The following RANBP2 variants were observed in gnomAD, a reference collection of about 807,000 sequenced individuals.
RANBP2 encodes the protein RAN binding protein 2.
A neutral mutation model predicts 303.6 loss-of-function variants in RANBP2; 57 were observed. The observed-to-expected ratio is 0.19, with a 90% CI of 0.15 to 0.23. RANBP2 has a LOEUF of 0.23. RANBP2 is among the 10% of genes least tolerant of loss of function. The pLI is 1.00. For synonymous variants in RANBP2, 1,167 were observed against 1,301.5 expected (o/e 0.90, Z 2.23); for missense variants, 3,138 against 3,780.8 (o/e 0.83, Z 4.46).
At chr2:109,202,765 A>G in the RANBP2 span, among the ~76,000 whole-genome samples, 11 of 152,036 alleles carry the variant, frequency 7.2e-5, no homozygotes, top group Non-Finnish European at 1.2e-4. Context: ...TTCCCATACT[A>G]TGGAGCTCTT....
the RANBP2 span, among the ~76,000 whole-genome samples, chr2:109,498,088 G>A: frequency 1.3e-5 from 2 of 152,148 alleles, no homozygotes; most frequent in South Asian, 2.1e-4. Flanking sequence ...TTGAAGGAGG[G>A]CCAGCAGGAA....
At chr2:109,453,819 G>T in the RANBP2 span, among the ~76,000 whole-genome samples, 1 of 152,314 alleles carries the variant, frequency 6.6e-6, no homozygotes, top group African/African-American at 2.4e-5. Context: ...AAAGGCGCCT[G>T]GTCAGCCCAG....
chr2:109,661,401 C>T, the RANBP2 span, among the ~76,000 whole-genome samples: 14 of 152,298 alleles, frequency 9.2e-5, no homozygotes, highest in East Asian at 2.7e-3. Context: ...CGCTTGCCAC[C>T]ATGCCTGGCT....
chr2:109,267,868 G>C, the RANBP2 span, among the ~76,000 whole-genome samples: 2 of 152,102 alleles, frequency 1.3e-5, no homozygotes, highest in African/African-American at 4.8e-5. Context: ...AGGTTGCTTG[G>C]GAGGCCACTG....
the RANBP2 span, among the ~76,000 whole-genome samples, chr2:109,728,136 G>A: frequency 9.9e-5 from 15 of 152,080 alleles, no homozygotes; most frequent in African/African-American, 2.2e-4. Flanking sequence ...AGAGAGGCTC[G>A]CATGGAGAAA....
At chr2:109,299,251 C>T in the RANBP2 span, among the ~76,000 whole-genome samples, 27 of 152,164 alleles carry the variant, frequency 1.8e-4, no homozygotes, top group East Asian at 5.0e-3. Flanking sequence ...AAGGACCTCT[C>T]ACTCTTTAGC....
the RANBP2 span, among the ~76,000 whole-genome samples, chr2:108,943,440 G>A: frequency 6.6e-6 from 1 of 152,090 alleles, no homozygotes; most frequent in Non-Finnish European, 1.5e-5. Flanking sequence ...CAATCACACC[G>A]TATTCATCTC....
chr2:109,437,260 G>A, the RANBP2 span: 2 of 1,420,866 alleles, frequency 1.4e-6, no homozygotes. Context: ...GCTGGTGGCA[G>A]CTTCATGGCA....
the RANBP2 span, among the ~76,000 whole-genome samples, chr2:109,136,234 A>C: frequency 5.3e-5 from 8 of 152,288 alleles, no homozygotes; most frequent in South Asian, 1.7e-3. Flanking sequence ...ATTAAAAAAA[A>C]ACACACACAT....
the RANBP2 span, among the ~76,000 whole-genome samples, chr2:108,840,958 C>T: frequency 2.0e-5 from 3 of 151,862 alleles, no homozygotes; most frequent in African/African-American, 7.3e-5. Context: ...ATTACAGATG[C>T]CCACCACCAC....
intron 1 of RANBP2, among the ~76,000 whole-genome samples, chr2:108,722,591 G>A (rs1694354699): frequency 6.7e-6 from 1 of 149,212 alleles, no homozygotes; most frequent in South Asian, 2.1e-4. Flanking sequence ...GCTTTCATTT[G>A]TTAGTCTTCT....
the RANBP2 span, among the ~76,000 whole-genome samples, chr2:109,654,094 T>C: frequency 6.6e-6 from 1 of 152,126 alleles, no homozygotes; most frequent in South Asian, 2.1e-4. Context: ...CCTCAGACAG[T>C]GTGGGAGGGG....
the RANBP2 span, chr2:108,897,352 T>C: frequency 4.2e-6 from 4 of 961,344 alleles, no homozygotes; most frequent in Non-Finnish European, 6.3e-6. Context: ...TTATAAAACA[T>C]GCAGAAAGCC....
intron 25 of RANBP2, among the ~76,000 whole-genome samples, chr2:108,780,692 G>A (rs75434288): frequency 0.022 from 3,268 of 150,852 alleles, 111 homozygotes; most frequent in African/African-American, 0.076. Flanking sequence ...ACCACTCCCG[G>A]CTTTTCTTTT....
At chr2:109,333,801 CT>C in the RANBP2 span, among the ~76,000 whole-genome samples, 1 of 152,046 alleles carries the variant, frequency 6.6e-6, no homozygotes. Context: ...GTTTCCTCCA[CT>C]GTAAAATGGA....
At chr2:109,474,614 G>T in the RANBP2 span, among the ~76,000 whole-genome samples, 2 of 152,208 alleles carry the variant, frequency 1.3e-5, no homozygotes, top group East Asian at 1.9e-4. Context: ...TTGGGCAGGG[G>T]GGGAGAACGC....
At chr2:108,960,593 G>T in the RANBP2 span, among the ~76,000 whole-genome samples, 3 of 152,016 alleles carry the variant, frequency 2.0e-5, no homozygotes, top group Non-Finnish European at 2.9e-5. Flanking sequence ...GTCACTGATA[G>T]GTTTTTACAT....
Position 108,751,915 on chromosome 2 carries a change from T to C in RANBP2, c.1676T>C (p.Ile559Thr). 1 of 1,611,982 alleles carries C rather than the reference T, an allele frequency of 6.2e-7. No individual in the cohort carries two copies. Among genetic ancestry groups the C allele is most frequent in the Non-Finnish European group, 8.5e-7 (1 of 1,179,858 alleles). The change falls in exon 12 of 29, where the codon ATA becomes ACA. Residue 559 changes from isoleucine to threonine, a missense_variant. Ile to Thr is a moderately conservative substitution (Grantham distance 89, BLOSUM62 -1). Transcript: ENST00000283195. ...AKLRLLVQHE[I>T]NTLRAQEKHG... ...TTGAGACTTCTAGTTCAGCATGAAATAAACACTCTAAGAGCCCAGGAAAAA... is the reference window on the plus strand; with the variant it reads ...TTGAGACTTCTAGTTCAGCATGAAACAAACACTCTAAGAGCCCAGGAAAAA...
chr2:109,303,118 C>T, the RANBP2 span, among the ~76,000 whole-genome samples: 4 of 152,294 alleles, frequency 2.6e-5, no homozygotes, highest in East Asian at 7.7e-4. Context: ...TCAGGTGATC[C>T]GTCCGCCTCA....
Sources: allele counts gnomAD v4.1 joint callset (sites outside exome capture counted in the v4.1 genomes callset), GRCh38; gene constraint gnomAD v4.1.1; transcripts MANE v1.5; gene names NCBI Gene and HGNC (gene_info 2026-07-23, HGNC 2026-07-21).